The following LRRC28 variants were observed in gnomAD, a reference collection of about 807,000 sequenced individuals.
The protein encoded by LRRC28 is leucine-rich repeat-containing protein 28.
LRRC28 carries 39 observed loss-of-function variants against 45.7 expected under a neutral mutation model. The observed-to-expected ratio is 0.85, with a 90% confidence interval of 0.66 to 1.12. The LOEUF is 1.12. Ranked by LOEUF, LRRC28 falls within the 50% of genes most tolerant of loss-of-function variation. The pLI is 0.00. For missense variants in LRRC28, 435 were observed against 438.5 expected (o/e 0.99, Z 0.07); for synonymous variants, 206 against 178.8 (o/e 1.15, Z -1.22).
chr15:99,293,250 G>A (rs1432088016), intron 5 of LRRC28, among the ~76,000 whole-genome samples: 2 of 151,840 alleles, frequency 1.3e-5, no homozygotes, highest in African/African-American at 4.8e-5. Context: ...TTATTTCAAT[G>A]TATGCTGTAA....
At chr15:99,303,368 T>C (rs1955053291) in intron 5 of LRRC28, among the ~76,000 whole-genome samples, 1 of 152,210 alleles carries the variant, frequency 6.6e-6, no homozygotes, top group Admixed American at 6.5e-5. Flanking sequence ...TCTTTATGTA[T>C]ACTGGTGTTA....
At chr15:99,371,833 C>G (rs900631228) in intron 9 of LRRC28, among the ~76,000 whole-genome samples, 1 of 152,192 alleles carries the variant, frequency 6.6e-6, no homozygotes, top group African/African-American at 2.4e-5. Flanking sequence ...ATGGGCTGTG[C>G]TCTGCAGTAG....
chr15:99,373,050 G>A (rs1459346708), intron 9 of LRRC28, among the ~76,000 whole-genome samples: 4 of 151,934 alleles, frequency 2.6e-5, no homozygotes, highest in South Asian at 2.1e-4. Flanking sequence ...ACCTCCCACC[G>A]GGTCCTTCCC....
intron 3 of LRRC28, among the ~76,000 whole-genome samples, chr15:99,283,457 C>T (rs973141571): frequency 6.8e-6 from 1 of 148,118 alleles, no homozygotes; most frequent in African/African-American, 2.5e-5. Context: ...ACTGAAAATA[C>T]AAAAAAAAAT....
intron 5 of LRRC28, among the ~76,000 whole-genome samples, chr15:99,308,829 G>A (rs998118142): frequency 1.8e-4 from 27 of 152,172 alleles, no homozygotes; most frequent in Non-Finnish European, 2.9e-4. Context: ...AGCTTAGCTC[G>A]ATCTGCTTAG....
At chr15:99,323,829 T>C (rs1193121994) in intron 5 of LRRC28, among the ~76,000 whole-genome samples, 3 of 152,220 alleles carry the variant, frequency 2.0e-5, no homozygotes, top group African/African-American at 7.2e-5. Flanking sequence ...AGTTAGGTGT[T>C]ACTCTTTTTT....
chr15:99,351,593 G>T (rs1956880554), intron 6 of LRRC28, among the ~76,000 whole-genome samples: 1 of 152,172 alleles, frequency 6.6e-6, no homozygotes, highest in African/African-American at 2.4e-5. Context: ...TCATGAGGAA[G>T]TTCTGTCTAT....
rs1958108107 is a variant in LRRC28, at chr15:99,388,953, T to C, written c.*2851T>C. On this transcript the variant is annotated 3_prime_UTR_variant, in exon 10 of 10. Coordinates refer to ENST00000301981, the MANE Select transcript of LRRC28 (RefSeq NM_144598.5). ...TGTTCTTCAGTATGTCCAATTGTTA[T>C]CATACCAAAAACCTTAATTACATAA... 2 of 152,224 alleles carry C rather than the reference T, an allele frequency of 1.3e-5. No homozygotes were observed. The highest frequency in any genetic ancestry group is 4.8e-5 in the African/African-American group (2 of 41,456). The allele number at this position is 152,224 out of a possible 1,614,324, so 9.4% of individuals were successfully genotyped here.
At chr15:99,261,029 TGAGAA>T (rs752247778) in intron 2 of LRRC28, among the ~76,000 whole-genome samples, 1 of 152,206 alleles carries the variant, frequency 6.6e-6, no homozygotes, top group Non-Finnish European at 1.5e-5. Context: ...GGCCTGTTGC[TGAGAA>T]GAGAAGTTGT....
intron 2 of LRRC28, among the ~76,000 whole-genome samples, chr15:99,271,240 G>A (rs995166422): frequency 9.9e-5 from 15 of 151,214 alleles, no homozygotes; most frequent in Non-Finnish European, 8.8e-5. Flanking sequence ...GTAGTGGCCT[G>A]TAATACACAC....
chr15:99,360,530 GA>G lies in LRRC28; in HGVS notation c.696-804del, dbSNP rs140578015. On this transcript the variant is annotated intron_variant, in intron 7 of 9. Coordinates refer to ENST00000301981, the MANE Select transcript of LRRC28 (RefSeq NM_144598.5). The stretch of plus-strand genomic sequence containing the variant: ...ATGAAGAAACTTTTAAAAAATAAAT[GA>G]ATCAAGGGCTTCTGGCTTCCAGTCC... Among the ~76,000 whole-genome samples the G allele has an allele frequency of 7.4e-3, 1,129 of 152,252 alleles. 9 individuals are homozygous for G. Among genetic ancestry groups the G allele is most frequent in the African/African-American group, 0.026 (1,071 of 41,544 alleles).
chr15:99,264,693 A>AT (rs1282741552), intron 2 of LRRC28, among the ~76,000 whole-genome samples: 1 of 152,084 alleles, frequency 6.6e-6, no homozygotes, highest in East Asian at 1.9e-4. Context: ...GTGGGAGGGG[A>AT]TTTGACAGCA....
intron 9 of LRRC28, among the ~76,000 whole-genome samples, chr15:99,380,847 T>A (rs1957798127): frequency 6.6e-6 from 1 of 152,264 alleles, no homozygotes; most frequent in East Asian, 1.9e-4. Context: ...TCTTTAAGAA[T>A]GTTGACTGTT....
At chr15:99,302,086 G>A (rs887686845) in intron 5 of LRRC28, among the ~76,000 whole-genome samples, 14 of 151,360 alleles carry the variant, frequency 9.2e-5, no homozygotes, top group African/African-American at 3.4e-4. Context: ...GAGTGCAGAG[G>A]CGCGATCTCA....
Position 99,389,187 on chromosome 15 carries a change from C to T in LRRC28, c.*3085C>T, listed in dbSNP as rs1286738409. 6.6e-6 allele frequency: 1 copy of T among 152,178 alleles called. No individual in the cohort carries two copies. Among genetic ancestry groups the T allele is most frequent in the Non-Finnish European group, 1.5e-5 (1 of 68,044 alleles). 9.4% of individuals were successfully genotyped at this position (152,178 alleles called of 1,614,324 possible). A position where few individuals can be genotyped will look rare whatever the true frequency, so the allele number is the denominator to read the frequency against. ...GTGTACATTAAACATCTTTTGGTCACCGTGCCTCACTAAGACCTTTCACAT... is the reference window on the plus strand; with the variant it reads ...GTGTACATTAAACATCTTTTGGTCATCGTGCCTCACTAAGACCTTTCACAT... On this transcript the variant is annotated 3_prime_UTR_variant, in exon 10 of 10. Coordinates refer to ENST00000301981, the MANE Select transcript of LRRC28 (RefSeq NM_144598.5).
At chr15:99,285,614 C>G in intron 3 of LRRC28, 1 of 673,222 alleles carries the variant, frequency 1.5e-6, no homozygotes. Flanking sequence ...GATGCTTCCT[C>G]AGCAGCATCC....
rs547576758 is a variant in LRRC28, at chr15:99,308,061, T to C, written c.385+20110T>C. On this transcript the variant is annotated intron_variant, in intron 5 of 9. Coordinates refer to ENST00000301981, the MANE Select transcript of LRRC28 (RefSeq NM_144598.5). ...ACCCCAGCAAGAAATGATGATGGCT[T>C]GCACTAGAGTGTTAGCAGAACTGTT... Among the ~76,000 whole-genome samples the C allele has an allele frequency of 2.6e-5, 4 of 152,346 alleles. No individual in the cohort carries two copies. In the East Asian group the frequency reaches 7.7e-4, roughly 29 times the overall value.
chr15:99,334,850 A>G (rs1475652539), intron 6 of LRRC28, among the ~76,000 whole-genome samples: 1 of 152,238 alleles, frequency 6.6e-6, no homozygotes, highest in Non-Finnish European at 1.5e-5. Flanking sequence ...GATTTTACTC[A>G]TAAAAGCATT....
chr15:99,279,811 A>C (rs578213447), intron 3 of LRRC28, among the ~76,000 whole-genome samples: 19 of 152,202 alleles, frequency 1.2e-4, no homozygotes, highest in African/African-American at 3.6e-4. Flanking sequence ...ACAGTTTCTC[A>C]TTGTTTTTAT....
Sources: gnomAD v4.1 joint callset for allele counts (sites outside exome capture counted in the v4.1 genomes callset) on GRCh38, gnomAD v4.1.1 for gene constraint, MANE v1.5 for transcripts, NCBI Gene and HGNC (gene_info 2026-07-23, HGNC 2026-07-21) for gene names.